Variants in NDNF observed in about 807,000 individuals in gnomAD.
The protein encoded by NDNF is neuron derived neurotrophic factor.
In NDNF, 16 loss-of-function variants were observed where a neutral mutation model predicts 42.0. That is an observed-to-expected ratio of 0.38 (90% CI 0.26 to 0.58). The LOEUF is 0.58. NDNF is among the 20% of genes least tolerant of loss of function. NDNF has a pLI of 0.67. For missense variants in NDNF, 616 were observed against 666.2 expected (o/e 0.92, Z 0.83); for synonymous variants, 248 against 251.7 (o/e 0.99, Z 0.14).
In NDNF at chr4:121,036,402, C is replaced by G; in HGVS notation, c.1569G>C (p.Leu523=). 2 of 1,614,150 alleles carry G rather than the reference C, an allele frequency of 1.2e-6. No individual in the cohort carries two copies. Among genetic ancestry groups the G allele is most frequent in the Non-Finnish European group, 1.7e-6 (2 of 1,180,010 alleles). ...TTGTTTCTGTGGTCACTGCTTTCTG[C>G]AGGTTTTGACTGTGGAAATATTTAC... ...VLCKYFHSQN[L]QKAVTTETIK... is the part of the protein sequence containing the mutation. The change falls in exon 4 of 4, where the codon CTG becomes CTC. Residue 523 remains leucine (L), a synonymous_variant. Coordinates refer to ENST00000379692, the MANE Select transcript of NDNF (RefSeq NM_024574.4).
intron 1 of NDNF, among the ~76,000 whole-genome samples, chr4:121,066,526 C>A (rs1727502158): frequency 6.6e-6 from 1 of 152,202 alleles, no homozygotes; most frequent in Admixed American, 6.5e-5. Context: ...CACAACACTA[C>A]CCCTAACTGT....
At chr4:121,051,645 A>C (rs1727196540) in intron 1 of NDNF, among the ~76,000 whole-genome samples, 1 of 152,186 alleles carries the variant, frequency 6.6e-6, no homozygotes, top group African/African-American at 2.4e-5. Flanking sequence ...GTCATTTTGC[A>C]AAATTTATCT....
chr4:121,042,099 C>A (rs558262657), intron 2 of NDNF, among the ~76,000 whole-genome samples: 1 of 152,268 alleles, frequency 6.6e-6, no homozygotes, highest in South Asian at 2.1e-4. Flanking sequence ...TTACTTGTGA[C>A]TATATAATTG....
At chr4:121,064,915 T>C (rs1447604832) in intron 1 of NDNF, among the ~76,000 whole-genome samples, 1 of 152,200 alleles carries the variant, frequency 6.6e-6, no homozygotes, top group Non-Finnish European at 1.5e-5. Flanking sequence ...GGGCTGATTA[T>C]AATGTCATTA....
At chr4:121,070,027 T>C (rs1727562461) in intron 1 of NDNF, among the ~76,000 whole-genome samples, 1 of 152,232 alleles carries the variant, frequency 6.6e-6, no homozygotes, top group Non-Finnish European at 1.5e-5. Flanking sequence ...TAAAAGATCA[T>C]AGATTAAAAC....
chr4:121,049,357 A>T (rs183260271), intron 1 of NDNF, among the ~76,000 whole-genome samples: 2 of 152,300 alleles, frequency 1.3e-5, no homozygotes, highest in East Asian at 3.9e-4. Flanking sequence ...ATTATAGAAG[A>T]TTTTAGGTCC....
At chr4:121,071,528 G>A (rs1324987285) in intron 1 of NDNF, 2 of 152,074 alleles carry the variant, frequency 1.3e-5, no homozygotes, top group Non-Finnish European at 2.9e-5. Context: ...AGCGGCGGGC[G>A]GAGGGCATGA....
At chr4:121,048,775 T>C (rs1579314331) in intron 1 of NDNF, among the ~76,000 whole-genome samples, 2 of 151,950 alleles carry the variant, frequency 1.3e-5, no homozygotes, top group African/African-American at 4.8e-5. Flanking sequence ...GCAGCGGAGG[T>C]TGTAGTGAGC....
intron 1 of NDNF, among the ~76,000 whole-genome samples, chr4:121,059,008 C>T (rs1273847073): frequency 6.6e-6 from 1 of 152,074 alleles, no homozygotes; most frequent in East Asian, 1.9e-4. Flanking sequence ...GCTTCATATT[C>T]CCAGCAAGTG....
chr4:121,063,523 A>G (rs1727449199), intron 1 of NDNF, among the ~76,000 whole-genome samples: 1 of 152,366 alleles, frequency 6.6e-6, no homozygotes, highest in South Asian at 2.1e-4. Context: ...GAACATTGTA[A>G]TACCCGGATT....
chr4:121,071,020 G>A (rs1485562090), intron 1 of NDNF, among the ~76,000 whole-genome samples: 4 of 152,200 alleles, frequency 2.6e-5, no homozygotes, highest in African/African-American at 9.7e-5. Context: ...AAGGTGAACC[G>A]AGAGCGCACA....
chr4:121,068,499 G>A (rs1727536902), intron 1 of NDNF, among the ~76,000 whole-genome samples: 1 of 152,106 alleles, frequency 6.6e-6, no homozygotes, highest in South Asian at 2.1e-4. Context: ...AACATTTAGA[G>A]GTTCTAGATA....
chr4:121,068,598 C>T (rs1348509073), intron 1 of NDNF, among the ~76,000 whole-genome samples: 1 of 152,146 alleles, frequency 6.6e-6, no homozygotes, highest in South Asian at 2.1e-4. Context: ...GACTATGAGA[C>T]ATATTTTCTT....
intron 1 of NDNF, among the ~76,000 whole-genome samples, chr4:121,060,476 C>T (rs1199794276): frequency 6.6e-6 from 1 of 151,896 alleles, no homozygotes; most frequent in Non-Finnish European, 1.5e-5. Context: ...CCACCGTGCC[C>T]AGCTTACCTT....
rs1726864907 is a variant in NDNF, at chr4:121,036,377, T to C, written c.1594A>G (p.Ile532Val). The change falls in exon 4 of 4, where the codon ATT becomes GTT. Residue 532 changes from isoleucine (I) to valine (V), a missense_variant. Ile to Val is a conservative substitution (Grantham distance 29). Transcript: ENST00000379692. ...NLQKAVTTET[I>V]KGLQPGKSYL... ...GATTTGCCAGGCTGAAGACCTTTAATTGTTTCTGTGGTCACTGCTTTCTGC... is the reference window on the plus strand; with the variant it reads ...GATTTGCCAGGCTGAAGACCTTTAACTGTTTCTGTGGTCACTGCTTTCTGC... The C allele has an allele frequency of 4.3e-6, 7 of 1,614,080 alleles. No individual in the cohort carries two copies. The highest frequency in any genetic ancestry group is 5.9e-6 in the Non-Finnish European group (7 of 1,180,022).
At chr4:121,048,697 G>A (rs796458772) in intron 1 of NDNF, among the ~76,000 whole-genome samples, 18 of 152,230 alleles carry the variant, frequency 1.2e-4, no homozygotes, top group African/African-American at 4.3e-4. Flanking sequence ...AATTAGCTGC[G>A]TGTGGTGGTG....
chr4:121,070,995 T>G (rs1011931010), intron 1 of NDNF, among the ~76,000 whole-genome samples: 2 of 152,052 alleles, frequency 1.3e-5, no homozygotes, highest in African/African-American at 2.4e-5. Flanking sequence ...GGGCCTGGGA[T>G]AGGGTGCGGG....
At chr4:121,064,924 T>C (rs1344121743) in intron 1 of NDNF, among the ~76,000 whole-genome samples, 2 of 152,062 alleles carry the variant, frequency 1.3e-5, no homozygotes, top group African/African-American at 2.4e-5. Flanking sequence ...ATAATGTCAT[T>C]ATTATTATTA....
In NDNF at chr4:121,045,167, A is replaced by G. The variant is rs566822193; in HGVS notation, c.188+483T>C. Among the ~76,000 whole-genome samples, 6 of 152,316 alleles carry G rather than the reference A, an allele frequency of 3.9e-5. No homozygotes were observed. The East Asian group carries it at 1.2e-3, about 29-fold the overall frequency. ...GGAGATCGAGACTATCCCGGCTAAC[A>G]TGGTGAAACCCCGTCTCTATTAAAA... On this transcript the variant is annotated intron_variant, in intron 2 of 3. Coordinates refer to ENST00000379692, the MANE Select transcript of NDNF (RefSeq NM_024574.4).
Sources: allele counts gnomAD v4.1 joint callset (sites outside exome capture counted in the v4.1 genomes callset), GRCh38; gene constraint gnomAD v4.1.1; transcripts MANE v1.5; gene names NCBI Gene and HGNC (gene_info 2026-07-23, HGNC 2026-07-21).